Variants in TIAM1 observed in about 807,000 individuals in gnomAD.
The protein encoded by TIAM1 is TIAM Rac1 associated GEF 1.
TIAM1 carries 65 observed loss-of-function variants against 163.5 expected under a neutral mutation model. That is an observed-to-expected ratio of 0.40 (90% CI 0.33 to 0.49). The LOEUF is 0.49. TIAM1 is among the 20% of genes least tolerant of loss of function. The pLI is 0.77. For synonymous variants in TIAM1, 833 were observed against 810.1 expected (o/e 1.03, Z -0.48); for missense variants, 1,789 against 2,044.7 (o/e 0.87, Z 2.41).
chr21:31,429,137 C>T (rs1056332090), intron 2 of TIAM1, among the ~76,000 whole-genome samples: 4 of 151,964 alleles, frequency 2.6e-5, no homozygotes, highest in Non-Finnish European at 5.9e-5. Flanking sequence ...GTTGCTGGGA[C>T]CACAGGTGTG....
At chr21:31,558,512 G>T (rs2048973389) in intron 1 of TIAM1, among the ~76,000 whole-genome samples, 1 of 152,110 alleles carries the variant, frequency 6.6e-6, no homozygotes, top group African/African-American at 2.4e-5. Context: ...GGATGCACAA[G>T]CACGCCCTCC....
At chr21:31,537,048 G>A (rs2048159556) in intron 1 of TIAM1, among the ~76,000 whole-genome samples, 1 of 152,202 alleles carries the variant, frequency 6.6e-6, no homozygotes, top group Non-Finnish European at 1.5e-5. Flanking sequence ...AGCTCCGGGC[G>A]GCTTCTTGGC....
intron 2 of TIAM1, among the ~76,000 whole-genome samples, chr21:31,327,824 T>C (rs2075545592): frequency 6.6e-6 from 1 of 151,902 alleles, no homozygotes. Context: ...AGAACCATGG[T>C]CCACATGAAA....
At chr21:31,325,005 C>G (rs1459155266) in intron 2 of TIAM1, among the ~76,000 whole-genome samples, 2 of 151,952 alleles carry the variant, frequency 1.3e-5, no homozygotes, top group East Asian at 3.9e-4. Flanking sequence ...ACAGGCCAGG[C>G]ACGGTGGCTC....
At chr21:31,387,566 C>T (rs957758590) in intron 2 of TIAM1, among the ~76,000 whole-genome samples, 16 of 151,950 alleles carry the variant, frequency 1.1e-4, no homozygotes, top group African/African-American at 3.6e-4. Flanking sequence ...ACACTGTCTT[C>T]TGACGATGTT....
intron 1 of TIAM1, among the ~76,000 whole-genome samples, chr21:31,538,339 T>C (rs2048207045): frequency 6.6e-6 from 1 of 152,310 alleles, no homozygotes; most frequent in African/African-American, 2.4e-5. Flanking sequence ...GGCCAGAAGT[T>C]TGAGACCAGC....
At chr21:31,248,270 C>T (rs193283165) in intron 5 of TIAM1, among the ~76,000 whole-genome samples, 215 of 152,316 alleles carry the variant, frequency 1.4e-3, no homozygotes, top group African/African-American at 4.7e-3. Flanking sequence ...CTCACCAATC[C>T]TAACACACGC....
chr21:31,504,990 T>G (rs532120565), intron 1 of TIAM1, among the ~76,000 whole-genome samples: 1 of 152,266 alleles, frequency 6.6e-6, no homozygotes, highest in East Asian at 1.9e-4. Context: ...TATTAGCCTC[T>G]GACAGTCCCG....
At chr21:31,309,493 G>A (rs879437115) in intron 2 of TIAM1, among the ~76,000 whole-genome samples, 1 of 152,072 alleles carries the variant, frequency 6.6e-6, no homozygotes, top group Non-Finnish European at 1.5e-5. Flanking sequence ...AAAATAAAAC[G>A]AAACTCTTGC....
At chr21:31,525,410 C>T (rs901915715) in intron 1 of TIAM1, among the ~76,000 whole-genome samples, 1 of 151,804 alleles carries the variant, frequency 6.6e-6, no homozygotes, top group East Asian at 1.9e-4. Flanking sequence ...ACTCATAGAG[C>T]GAGAACTCGC....
At chr21:31,403,823 A>G (rs973280551) in intron 2 of TIAM1, among the ~76,000 whole-genome samples, 3 of 152,296 alleles carry the variant, frequency 2.0e-5, no homozygotes, top group East Asian at 1.9e-4. Context: ...TGAATTAGAC[A>G]GTCCCTGCCC....
intron 19 of TIAM1, among the ~76,000 whole-genome samples, chr21:31,148,763 C>T (rs2083247073): frequency 6.6e-6 from 1 of 152,164 alleles, no homozygotes; most frequent in African/African-American, 2.4e-5. Flanking sequence ...GGTTTATACA[C>T]AAAGACTCCA....
intron 2 of TIAM1, among the ~76,000 whole-genome samples, chr21:31,405,510 G>A (rs1054422507): frequency 6.6e-6 from 1 of 152,144 alleles, no homozygotes; most frequent in Non-Finnish European, 1.5e-5. Flanking sequence ...AGACATAACT[G>A]AGACTGGGCA....
intron 2 of TIAM1, among the ~76,000 whole-genome samples, chr21:31,301,932 T>C (rs1343469841): frequency 6.7e-6 from 1 of 149,592 alleles, no homozygotes; most frequent in East Asian, 2.0e-4. Context: ...AAATAAAATA[T>C]ATATGTAACA....
Position 31,182,589 on chromosome 21 carries a change from T to A in TIAM1, c.2719A>T (p.Asn907Tyr). ...EINNRAADAL[N>Y]SSMLKDFLSQ... ...AGGAAATCTTTGAGCATAGAAGAGT[T>A]CAGGGCGTCAGCAGCACGATTATTG... is the stretch of plus-strand genomic sequence containing the variant. Residue 907 changes from asparagine to tyrosine, a missense_variant, in exon 15 of 28, where the codon AAC becomes TAC. Transcript: ENST00000541036. The A allele has an allele frequency of 6.2e-7, 1 of 1,614,018 alleles. No homozygotes were observed. Among genetic ancestry groups the A allele is most frequent in the Non-Finnish European group, 8.5e-7 (1 of 1,179,934 alleles).
At chr21:31,267,303 G>C (rs2072832647) in intron 3 of TIAM1, among the ~76,000 whole-genome samples, 1 of 152,160 alleles carries the variant, frequency 6.6e-6, no homozygotes, top group Admixed American at 6.5e-5. Context: ...GCTGCTTTTG[G>C]ACAGCCAGAA....
chr21:31,450,216 C>T (rs1349175424), intron 2 of TIAM1, among the ~76,000 whole-genome samples: 1 of 152,174 alleles, frequency 6.6e-6, no homozygotes, highest in Non-Finnish European at 1.5e-5. Context: ...TAACTGGAAT[C>T]CTGCAAATTA....
intron 2 of TIAM1, among the ~76,000 whole-genome samples, chr21:31,386,382 G>A (rs915831175): frequency 6.6e-6 from 1 of 152,076 alleles, no homozygotes; most frequent in African/African-American, 2.4e-5. Flanking sequence ...AGCTTCTGAG[G>A]ATGCACTTGG....
At chr21:31,267,856 C>T (rs145513006) in intron 3 of TIAM1, among the ~76,000 whole-genome samples, 10 of 152,334 alleles carry the variant, frequency 6.6e-5, no homozygotes, top group South Asian at 2.1e-4. Flanking sequence ...AACAGAAATT[C>T]ACATTGTGAA....
Sources: allele counts gnomAD v4.1 joint callset (sites outside exome capture counted in the v4.1 genomes callset), GRCh38; gene constraint gnomAD v4.1.1; transcripts MANE v1.5; gene names NCBI Gene and HGNC (gene_info 2026-07-23, HGNC 2026-07-21).